Variants in MLLT3 observed in about 807,000 individuals in gnomAD.
MLLT3 encodes MLLT3 super elongation complex subunit, also known as protein AF-9.
MLLT3 carries 4 observed loss-of-function variants against 53.2 expected under a neutral mutation model. The observed-to-expected ratio is 0.08, with a 90% confidence interval of 0.04 to 0.17. The LOEUF (loss-of-function observed/expected upper bound fraction) is 0.17, where lower values mean the gene tolerates loss of function less well. Ranked by LOEUF, MLLT3 falls within the 10% of genes least tolerant of loss-of-function variation. The pLI, the probability that MLLT3 is intolerant of heterozygous loss-of-function variation, is 1.00. For missense variants in MLLT3, 569 were observed against 684.0 expected, an observed-to-expected ratio of 0.83 and a Z score of 1.87; for synonymous variants, 283 against 230.6, an observed-to-expected ratio of 1.23 and a Z score of -2.06.
intron 2 of MLLT3, among the ~76,000 whole-genome samples, chr9:20,514,459 T>A (rs1043222872): frequency 5.3e-5 from 8 of 152,146 alleles, no homozygotes; most frequent in African/African-American, 1.9e-4. Context: ...GCAATGAGAC[T>A]AATATTCAAC....
At chr9:20,392,725 C>G (rs940513428) in intron 5 of MLLT3, among the ~76,000 whole-genome samples, 1 of 152,078 alleles carries the variant, frequency 6.6e-6, no homozygotes, top group Non-Finnish European at 1.5e-5. Context: ...ATAAACATAA[C>G]AAATAGGACA....
At chr9:20,610,808 G>T (rs1037473518) in intron 2 of MLLT3, among the ~76,000 whole-genome samples, 1 of 152,108 alleles carries the variant, frequency 6.6e-6, no homozygotes, top group African/African-American at 2.4e-5. Flanking sequence ...AGGGAAGTTA[G>T]CTTCCAGCCC....
rs534438072 is a variant in MLLT3, at chr9:20,561,478, C to T, written c.193+59176G>A. Reference sequence around the variant, plus strand: ...GCCTCAGAACTATTATCCTTCTATGCTAATGATTGCTGGTTTTAATCATCG... The same window carrying T: ...GCCTCAGAACTATTATCCTTCTATGTTAATGATTGCTGGTTTTAATCATCG... On this transcript the variant is annotated intron_variant, in intron 2 of 10. Transcript: ENST00000380338. Among the ~76,000 whole-genome samples, 24 of 152,286 alleles carry T rather than the reference C, an allele frequency of 1.6e-4. No homozygotes were observed. In the South Asian group the frequency reaches 3.5e-3, roughly 22 times the overall value.
chr9:20,428,604 G>A (rs1823192394), intron 4 of MLLT3, among the ~76,000 whole-genome samples: 1 of 151,998 alleles, frequency 6.6e-6, no homozygotes, highest in Admixed American at 6.6e-5. Context: ...TGAAGAAAAT[G>A]ATGGATGATA....
At chr9:20,417,753 T>C (rs1040079942) in intron 4 of MLLT3, among the ~76,000 whole-genome samples, 1 of 152,192 alleles carries the variant, frequency 6.6e-6, no homozygotes, top group Admixed American at 6.5e-5. Flanking sequence ...TTTTAATTTT[T>C]TGGAACAGAA....
Position 20,360,767 on chromosome 9 carries a change from G to A in MLLT3, c.1406C>T (p.Pro469Leu). The A allele has an allele frequency of 1.2e-6, 2 of 1,614,034 alleles. No individual in the cohort carries two copies. The highest frequency in any genetic ancestry group is 1.7e-6 in the Non-Finnish European group (2 of 1,179,894). Residue 469 changes from proline to leucine, a missense_variant, in exon 8 of 11, where the codon CCC becomes CTC. Pro to Leu is a moderately conservative substitution (Grantham distance 98, BLOSUM62 -3). Coordinates refer to ENST00000380338, the MANE Select transcript of MLLT3 (RefSeq NM_004529.4). ...CTGGTTGTTGTTGGTTTTTAGTAAG[G>A]GTGGTGGAGGTTCGTGATGTAGGGG... Reference protein sequence around the residue: ...SSPLHHEPPPPLLKTNNNQIL... With the variant: ...SSPLHHEPPPLLLKTNNNQIL...
At chr9:20,541,150 C>T (rs1175305370) in intron 2 of MLLT3, among the ~76,000 whole-genome samples, 1 of 152,154 alleles carries the variant, frequency 6.6e-6, no homozygotes, top group Non-Finnish European at 1.5e-5. Context: ...CATCTGAGAC[C>T]ACCTGTCTGG....
chr9:20,383,240 A>G (rs1040850704), intron 5 of MLLT3, among the ~76,000 whole-genome samples: 20 of 151,984 alleles, frequency 1.3e-4, no homozygotes, highest in Non-Finnish European at 2.5e-4. Context: ...TGCAGCTATC[A>G]GCTCTATGAT....
intron 5 of MLLT3, among the ~76,000 whole-genome samples, chr9:20,373,231 T>C (rs1328094162): frequency 6.6e-6 from 1 of 152,198 alleles, no homozygotes; most frequent in Non-Finnish European, 1.5e-5. Context: ...GCTACTATCA[T>C]TTACAATAGG....
intron 2 of MLLT3, among the ~76,000 whole-genome samples, chr9:20,614,440 G>A (rs1587133902): frequency 6.6e-6 from 1 of 151,194 alleles, no homozygotes; most frequent in African/African-American, 2.4e-5. Context: ...AGGGAGGGAG[G>A]GAGGTAGGCA....
Position 20,393,159 on chromosome 9 carries a change from T to TA in MLLT3, c.1125+20561dup, listed in dbSNP as rs573312355. On this transcript the variant is annotated intron_variant, in intron 5 of 10. Transcript: ENST00000380338. ...AACAAGAGCAAAACTCCATCTCAAT[T>TA]AAAAAAAAATGCTGATGAGGATGAG... is the stretch of plus-strand genomic sequence containing the variant. Among the ~76,000 whole-genome samples, 982 of 151,014 alleles carry TA rather than the reference T, an allele frequency of 6.5e-3. 7 individuals are homozygous for TA. Among genetic ancestry groups the TA allele is most frequent in the African/African-American group, 8.9e-3 (367 of 41,236 alleles).
intron 2 of MLLT3, among the ~76,000 whole-genome samples, chr9:20,518,537 C>A (rs556060134): frequency 6.6e-6 from 1 of 152,090 alleles, no homozygotes; most frequent in Non-Finnish European, 1.5e-5. Context: ...CAAGATATCA[C>A]GCAATCTCAA....
intron 5 of MLLT3, among the ~76,000 whole-genome samples, chr9:20,373,914 C>G (rs1333160819): frequency 2.0e-5 from 3 of 150,480 alleles, no homozygotes; most frequent in African/African-American, 7.4e-5. Flanking sequence ...GTATTAGGTT[C>G]TTCTCACAGT....
chr9:20,596,032 T>C (rs930831068), intron 2 of MLLT3, among the ~76,000 whole-genome samples: 3 of 152,330 alleles, frequency 2.0e-5, no homozygotes, highest in African/African-American at 7.2e-5. Flanking sequence ...ACAGTACTGC[T>C]GCAGGGTATA....
At chr9:20,387,066 C>A (rs921545832) in intron 5 of MLLT3, among the ~76,000 whole-genome samples, 1 of 152,204 alleles carries the variant, frequency 6.6e-6, no homozygotes, top group African/African-American at 2.4e-5. Context: ...ACAGAAAATA[C>A]GTCTTTCTTA....
rs1820826880 is a variant in MLLT3 at position 20,344,915 on chromosome 9, C to T, written c.*1528G>A. The T allele has an allele frequency of 4.7e-6, 1 of 214,050 alleles. No homozygotes were observed. The highest frequency in any genetic ancestry group is 5.8e-5 in the Admixed American group (1 of 17,112). 13.3% of individuals were successfully genotyped at this position (214,050 alleles called of 1,614,324 possible). ...ACATAGAGACTTTCTTAAGGCTGAT[C>T]CAGTGACGAACCTTTGGATCCAGAA... On this transcript the variant is annotated 3_prime_UTR_variant, in exon 11 of 11. Transcript: ENST00000380338.
chr9:20,513,658 CG>C (rs1391349615), intron 2 of MLLT3, among the ~76,000 whole-genome samples: 1 of 152,006 alleles, frequency 6.6e-6, no homozygotes, highest in Non-Finnish European at 1.5e-5. Context: ...ATGCAGGGTA[CG>C]GGGGGTCAGT....
In MLLT3 at chr9:20,622,405, C is replaced by G. The variant is rs895884814; in HGVS notation, c.-149G>C. The G allele has an allele frequency of 7.0e-6, 5 of 715,272 alleles. No individual in the cohort carries two copies. Among genetic ancestry groups the G allele is most frequent in the Non-Finnish European group, 2.2e-6 (1 of 448,234 alleles). The allele number at this position is 715,272 out of a possible 1,614,324, so 44.3% of individuals were successfully genotyped here. On this transcript the variant is annotated 5_prime_UTR_variant, in exon 1 of 11. Coordinates refer to ENST00000380338, the MANE Select transcript of MLLT3 (RefSeq NM_004529.4). The stretch of plus-strand genomic sequence containing the variant: ...GGCGGACATTCTCTGCCTTTTTCCC[C>G]CCGCGCTCGCTTGCTCGCTCGCTCG...
At chr9:20,460,609 C>G (rs1824081940) in intron 2 of MLLT3, among the ~76,000 whole-genome samples, 1 of 152,176 alleles carries the variant, frequency 6.6e-6, no homozygotes, top group Admixed American at 6.5e-5. Context: ...AGACCCCCTT[C>G]AAAGTCAGCA....
Sources: allele counts gnomAD v4.1 joint callset (sites outside exome capture counted in the v4.1 genomes callset), GRCh38; gene constraint gnomAD v4.1.1; transcripts MANE v1.5; gene names NCBI Gene and HGNC (gene_info 2026-07-23, HGNC 2026-07-21).